The following ANK3 variants were observed in gnomAD, a reference collection of about 807,000 sequenced individuals.
ANK3 encodes the protein ankyrin 3.
A neutral mutation model predicts 370.9 loss-of-function variants in ANK3; 57 were observed. That is an observed-to-expected ratio of 0.15 (90% CI 0.12 to 0.19). The LOEUF (loss-of-function observed/expected upper bound fraction) is 0.19. Ranked by LOEUF, ANK3 falls within the 10% of genes least tolerant of loss-of-function variation. The pLI, the probability that ANK3 is intolerant of heterozygous loss-of-function variation, is 1.00. For missense variants in ANK3, 4,439 were observed against 5,302.1 expected (o/e 0.84, Z 5.06); for synonymous variants, 1,929 against 1,946.3 (o/e 0.99, Z 0.23).
At chr10:60,681,054 C>A (rs927715166) in intron 1 of ANK3, among the ~76,000 whole-genome samples, 1 of 152,140 alleles carries the variant, frequency 6.6e-6, no homozygotes, top group Non-Finnish European at 1.5e-5. Flanking sequence ...CAAGTGAAAA[C>A]CTGAACATTA....
chr10:60,403,544 C>G (rs145576641), intron 2 of ANK3, among the ~76,000 whole-genome samples: 87 of 152,306 alleles, frequency 5.7e-4, no homozygotes, highest in African/African-American at 2.0e-3. Context: ...GAATGCTTTT[C>G]CTCTAAGACT....
At chr10:60,092,695 A>G (rs1270356599) in intron 28 of ANK3, among the ~76,000 whole-genome samples, 1 of 152,180 alleles carries the variant, frequency 6.6e-6, no homozygotes, top group African/African-American at 2.4e-5. Flanking sequence ...TAAACACTGA[A>G]ATCCTAGTGT....
At chr10:60,179,627 G>A (rs2096085705) in intron 18 of ANK3, among the ~76,000 whole-genome samples, 1 of 151,764 alleles carries the variant, frequency 6.6e-6, no homozygotes, top group South Asian at 2.1e-4. Flanking sequence ...GGGAGGTGGA[G>A]GTTGCAGCAA....
intron 7 of ANK3, among the ~76,000 whole-genome samples, chr10:60,242,590 T>G (rs1457388346): frequency 6.6e-6 from 1 of 152,078 alleles, no homozygotes; most frequent in Non-Finnish European, 1.5e-5. Context: ...AAGGCCCCAC[T>G]CTCACTCTTC....
chr10:60,550,788 T>C (rs1436724876), intron 2 of ANK3, among the ~76,000 whole-genome samples: 1 of 152,100 alleles, frequency 6.6e-6, no homozygotes, highest in East Asian at 1.9e-4. Context: ...AATTTTACTT[T>C]GCGAGTTTTT....
chr10:60,436,678 A>C (rs1267330653), intron 2 of ANK3, among the ~76,000 whole-genome samples: 2 of 152,192 alleles, frequency 1.3e-5, no homozygotes, highest in African/African-American at 4.8e-5. Flanking sequence ...TTGAGTTGCA[A>C]GGATTTTTAA....
At chr10:60,190,243 A>T in intron 16 of ANK3, among the ~76,000 whole-genome samples, 1 of 152,212 alleles carries the variant, frequency 6.6e-6, no homozygotes, top group East Asian at 1.9e-4. Context: ...AAAGGATGTG[A>T]TCTGATGATG....
rs1336707605 is a variant in ANK3 at position 60,064,514 on chromosome 10, T to TA, written c.12320-227dup. On this transcript the variant is annotated intron_variant, in intron 38 of 43. Transcript: ENST00000280772. The stretch of plus-strand genomic sequence containing the variant: ...TAATGACTTACAATCAGATTTTTTT[T>TA]AGAGACCATCTTATAAAGATTTTTA... 2.6e-5 allele frequency among the ~76,000 whole-genome samples: 4 copies of TA among 152,232 alleles called. No individual in the cohort carries two copies. In the East Asian group the frequency reaches 7.7e-4, roughly 29 times the overall value.
chr10:60,572,486 A>G (rs952328694), intron 2 of ANK3: 1 of 1,535,848 alleles, frequency 6.5e-7, no homozygotes, highest in Non-Finnish European at 8.7e-7. Context: ...TCCTTTTCCT[A>G]TGAGCAGGTT....
At position 60,259,594 on chromosome 10, in the gene ANK3, T is replaced by A. The variant is rs181809662; in HGVS notation, c.798+2265A>T. Among the ~76,000 whole-genome samples, 186 of 152,346 alleles carry A rather than the reference T, an allele frequency of 1.2e-3. 2 individuals carry two copies. The highest frequency in any genetic ancestry group is 4.3e-3 in the African/African-American group (180 of 41,590). The stretch of plus-strand genomic sequence containing the variant: ...GTCATTACCACAGTCATTGTTTTAA[T>A]GCAAATGAACACTTTAGAATCACTT... On this transcript the variant is annotated intron_variant, in intron 7 of 43. Transcript: ENST00000280772.
chr10:60,178,801 G>A (rs918135601), intron 18 of ANK3, among the ~76,000 whole-genome samples: 1 of 152,072 alleles, frequency 6.6e-6, no homozygotes, highest in South Asian at 2.1e-4. Context: ...AAATGCTTCC[G>A]GACATTATCC....
At chr10:60,172,852 G>T in intron 20 of ANK3, 48 bp downstream of exon 20, 10 of 1,241,522 alleles carry the variant, frequency 8.1e-6, no homozygotes, top group Non-Finnish European at 1.2e-5. Context: ...CAGAGTCCAG[G>T]CCCATCTATC....
chr10:60,059,846 C>T (rs1392769898), intron 40 of ANK3: 1 of 1,614,222 alleles, frequency 6.2e-7, no homozygotes, highest in East Asian at 2.2e-5. Flanking sequence ...GCTCTATGTT[C>T]CCCTGGGAAG....
In ANK3 at chr10:60,194,237, A is replaced by C. The variant is rs561197635; in HGVS notation, c.1887+1908T>G. On this transcript the variant is annotated intron_variant, in intron 16 of 43. Transcript: ENST00000280772. ...TTCCTTACAAATTTTTCTCCTTAAA[A>C]TTATGCTAAAATACACATAACAAAA... Among the ~76,000 whole-genome samples the C allele has an allele frequency of 2.6e-5, 4 of 152,364 alleles. No individual in the cohort carries two copies. In the South Asian group the frequency reaches 8.3e-4, roughly 32 times the overall value.
At chr10:60,529,350 TGA>T (rs937476143) in intron 2 of ANK3, among the ~76,000 whole-genome samples, 17 of 152,096 alleles carry the variant, frequency 1.1e-4, no homozygotes, top group African/African-American at 3.9e-4. Context: ...ATAAACACAA[TGA>T]GAGTGGCAAT....
intron 2 of ANK3, among the ~76,000 whole-genome samples, chr10:60,609,812 T>C (rs998669881): frequency 6.6e-6 from 1 of 152,184 alleles, no homozygotes; most frequent in Non-Finnish European, 1.5e-5. Flanking sequence ...AGCCTAACTT[T>C]AGCTTATCTT....
intron 7 of ANK3, among the ~76,000 whole-genome samples, chr10:60,248,104 C>A (rs1408170129): frequency 6.6e-6 from 1 of 152,218 alleles, no homozygotes; most frequent in Non-Finnish European, 1.5e-5. Context: ...CTTGCCTCCA[C>A]CTTTTGGCTA....
intron 24 of ANK3, chr10:60,138,509 C>A: frequency 2.5e-6 from 1 of 400,874 alleles, no homozygotes; most frequent in Non-Finnish European, 4.4e-6. Flanking sequence ...CTTTAATAAA[C>A]AACATAATTT....
intron 1 of ANK3, among the ~76,000 whole-genome samples, chr10:60,725,461 G>A (rs909282526): frequency 6.6e-6 from 1 of 152,160 alleles, no homozygotes; most frequent in African/African-American, 2.4e-5. Flanking sequence ...CTTAAGTAAT[G>A]CCAGATTGCT....
Sources: allele counts gnomAD v4.1 joint callset (sites outside exome capture counted in the v4.1 genomes callset), GRCh38; gene constraint gnomAD v4.1.1; transcripts MANE v1.5; gene names NCBI Gene and HGNC (gene_info 2026-07-23, HGNC 2026-07-21).